MEDAG: variants seen among roughly 807,000 people sequenced by gnomAD.
MEDAG encodes the protein mesenteric estrogen dependent adipogenesis, also known as mesenteric estrogen-dependent adipogenesis protein.
MEDAG carries 25 observed loss-of-function variants against 29.9 expected under a neutral mutation model. The ratio of observed to expected loss-of-function variants is 0.84; its 90% confidence interval spans 0.61 to 1.17. The LOEUF (loss-of-function observed/expected upper bound fraction) is 1.17, where lower values mean the gene tolerates loss of function less well. Ranked by LOEUF, MEDAG falls within the 50% of genes most tolerant of loss-of-function variation. MEDAG has a pLI of 0.00. For synonymous variants in MEDAG, 158 were observed against 148.2 expected, an observed-to-expected ratio of 1.07 and a Z score of -0.48; for missense variants, 398 against 372.9, an observed-to-expected ratio of 1.07 and a Z score of -0.56.
chr13:30,920,895 A>C (rs1221152890), intron 2 of MEDAG, 119 bp from the exon 3 acceptor site: 1 of 745,208 alleles, frequency 1.3e-6, no homozygotes, highest in East Asian at 2.7e-5. Context: ...GCAGAGAGGA[A>C]GGTTATAAAT....
intron 4 of MEDAG, 190 bp downstream of exon 4, chr13:30,922,036 G>A (rs1422331903): frequency 1.8e-6 from 1 of 565,284 alleles, no homozygotes; most frequent in African/African-American, 1.9e-5. Flanking sequence ...TTCCTTTTGA[G>A]CTCCTTTAAG....
At position 30,924,536 on chromosome 13, in the gene MEDAG, G is replaced by A. The variant is rs546045557; in HGVS notation, c.*101G>A. On this transcript the variant is annotated 3_prime_UTR_variant, in exon 5 of 5. Coordinates refer to ENST00000380482, the MANE Select transcript of MEDAG (RefSeq NM_032849.4). ...GTGGGAGGCAGATACTTCCACCTGC[G>A]TGTCAATCTCCGGCTCCTCCATGGC... 37 of 1,249,624 alleles carry A rather than the reference G, an allele frequency of 3.0e-5. No homozygotes were observed. Among genetic ancestry groups the A allele is most frequent in the Non-Finnish European group, 4.0e-5 (36 of 907,492 alleles). 77.4% of individuals were successfully genotyped at this position (1,249,624 alleles called of 1,614,324 possible).
chr13:30,925,163 T>C lies in MEDAG; in HGVS notation c.*728T>C, dbSNP rs984986227. ...ACCGAACAATGACAGGGGAAGGGTA[T>C]TGGACACGGCAGCGTCCTCCTTATT... On this transcript the variant is annotated 3_prime_UTR_variant, in exon 5 of 5. Coordinates refer to ENST00000380482, the MANE Select transcript of MEDAG (RefSeq NM_032849.4). The C allele has an allele frequency of 3.9e-5, 6 of 152,162 alleles. No homozygotes were observed. Among genetic ancestry groups the C allele is most frequent in the Non-Finnish European group, 7.3e-5 (5 of 68,028 alleles). 9.4% of individuals were successfully genotyped at this position (152,162 alleles called of 1,614,324 possible). A position where few individuals can be genotyped will look rare whatever the true frequency, so the allele number is the denominator to read the frequency against.
At chr13:30,923,505 C>T (rs1004086863) in intron 4 of MEDAG, among the ~76,000 whole-genome samples, 2 of 152,054 alleles carry the variant, frequency 1.3e-5, no homozygotes, top group Non-Finnish European at 2.9e-5. Context: ...CATCTCTTCC[C>T]ATGTTGTTTC....
At position 30,906,672 on chromosome 13, in the gene MEDAG, G is replaced by A. The variant is rs200311232; in HGVS notation, c.157G>A (p.Asp53Asn). The A allele has an allele frequency of 1.3e-6, 2 of 1,555,798 alleles. No homozygotes were observed. The highest frequency in any genetic ancestry group is 1.8e-5 in the Admixed American group (1 of 55,244). ...LQPGAFQLSGDQLVVARPGEP... is the reference protein window; with the variant it reads ...LQPGAFQLSGNQLVVARPGEP... ...GCCCGGTGCCTTCCAGCTGAGCGGC[G>A]ACCAGCTCGTGGTGGCCAGGCCCGG... The change falls in exon 1 of 5, where the codon GAC becomes AAC. Residue 53 changes from aspartate (D) to asparagine (N), a missense_variant. By Grantham distance (23) the Asp-to-Asn change is conservative (BLOSUM62 1). Transcript: ENST00000380482.
intron 2 of MEDAG, among the ~76,000 whole-genome samples, chr13:30,919,913 A>T (rs1952966498): frequency 6.6e-6 from 1 of 152,228 alleles, no homozygotes; most frequent in Non-Finnish European, 1.5e-5. Context: ...TTTCCTAATG[A>T]GTAAACAACC....
At position 30,924,378 on chromosome 13, in the gene MEDAG, A is replaced by G. The variant is rs770637457; in HGVS notation, c.855A>G (p.Ala285=). The G allele has an allele frequency of 3.7e-6, 6 of 1,614,118 alleles. No individual in the cohort carries two copies. The South Asian group carries it at 6.6e-5, about 18-fold the overall frequency. The change falls in exon 5 of 5, where the codon GCA becomes GCG. Residue 285 remains alanine, a synonymous_variant. Coordinates refer to ENST00000380482, the MANE Select transcript of MEDAG (RefSeq NM_032849.4). ...CATCTCTGACAGAGCCTCTTTTGGC[A>G]GAATTACCATTTCCAAGTGTTCTGG... is the stretch of plus-strand genomic sequence containing the variant. ...PRSSLTEPLL[A]ELPFPSVLES...
intron 1 of MEDAG, among the ~76,000 whole-genome samples, chr13:30,913,801 G>A (rs1952902486): frequency 6.6e-6 from 1 of 152,178 alleles, no homozygotes; most frequent in Non-Finnish European, 1.5e-5. Context: ...AGCACTTTGG[G>A]AGGCTGAGGC....
intron 1 of MEDAG, chr13:30,909,116 C>CA (rs10708028): frequency 0.011 from 943 of 83,214 alleles, 12 homozygotes; most frequent in African/African-American, 0.03. Context: ...GACCCTGTCT[C>CA]AAAAAAAAAA....
chr13:30,907,723 A>G (rs1392557925), intron 1 of MEDAG, among the ~76,000 whole-genome samples: 1 of 152,260 alleles, frequency 6.6e-6, no homozygotes, highest in Non-Finnish European at 1.5e-5. Context: ...TGACTCAGAA[A>G]TGAATAAGAT....
chr13:30,908,476 G>A (rs1421912811), intron 1 of MEDAG, among the ~76,000 whole-genome samples: 1 of 152,182 alleles, frequency 6.6e-6, no homozygotes, highest in East Asian at 1.9e-4. Context: ...CCTGAAGGAT[G>A]GCCAGGAGGG....
intron 1 of MEDAG, chr13:30,908,756 G>GA (rs1952853898): frequency 9.3e-6 from 1 of 107,536 alleles, no homozygotes; most frequent in Admixed American, 1.4e-4. Flanking sequence ...CCTTCTTTTT[G>GA]AAAAATAAGC....
At chr13:30,921,240 G>C (rs1261475677) in intron 3 of MEDAG, 114 bp downstream of exon 3, 1 of 850,840 alleles carries the variant, frequency 1.2e-6, no homozygotes, top group African/African-American at 1.7e-5. Context: ...ATGGCCCTTA[G>C]AAAACAAAGT....
chr13:30,907,270 C>A (rs1367459531), intron 1 of MEDAG, among the ~76,000 whole-genome samples: 1 of 152,178 alleles, frequency 6.6e-6, no homozygotes, highest in South Asian at 2.1e-4. Flanking sequence ...AGTGAGGAGA[C>A]CGAGTGGAGA....
In MEDAG at chr13:30,906,426, C is replaced by A; in HGVS notation, c.-90C>A. ...TCGCGCGCGGCTGACGCAGGCAGGG[C>A]GCCCGGCCCCTCCTGGGGACCATCA... On this transcript the variant is annotated 5_prime_UTR_variant, in exon 1 of 5. Coordinates refer to ENST00000380482, the MANE Select transcript of MEDAG (RefSeq NM_032849.4). The A allele has an allele frequency of 1.5e-6, 2 of 1,315,396 alleles. No homozygotes were observed. Among genetic ancestry groups the A allele is most frequent in the African/African-American group, 1.5e-5 (1 of 65,424 alleles). The allele number at this position is 1,315,396 out of a possible 1,614,324, so 81.5% of individuals were successfully genotyped here. A position where few individuals can be genotyped will look rare whatever the true frequency, so the allele number is the denominator to read the frequency against.
chr13:30,925,389 G>A lies in MEDAG; in HGVS notation c.*954G>A, dbSNP rs560810466. 17 of 152,262 alleles carry A rather than the reference G, an allele frequency of 1.1e-4. No homozygotes were observed. In the Middle Eastern group the frequency reaches 0.01, roughly 91 times the overall value. 9.4% of individuals were successfully genotyped at this position (152,262 alleles called of 1,614,324 possible). A position where few individuals can be genotyped will look rare whatever the true frequency, so the allele number is the denominator to read the frequency against. On this transcript the variant is annotated 3_prime_UTR_variant, in exon 5 of 5. Transcript: ENST00000380482. ...AATCACTACATATGCTTATAATGAG[G>A]AAGAGTTATGGGTCCTGAGTGTAAT... is the stretch of plus-strand genomic sequence containing the variant.
intron 1 of MEDAG, 31 bp from the exon 2 acceptor site, chr13:30,917,372 T>C: frequency 7.9e-7 from 1 of 1,262,618 alleles, no homozygotes; most frequent in Non-Finnish European, 1.2e-6. Context: ...AAGGGTACGT[T>C]ACATTTGCAA....
chr13:30,913,611 G>T (rs1952900912), intron 1 of MEDAG, among the ~76,000 whole-genome samples: 1 of 152,206 alleles, frequency 6.6e-6, no homozygotes, highest in South Asian at 2.1e-4. Context: ...CCAGGGTAAA[G>T]CAATGAAGAA....
rs867438648 is a variant in MEDAG, at chr13:30,906,872, C to T, written c.278+79C>T. 1.2e-4 allele frequency: 166 copies of T among 1,351,692 alleles called. 1 individual carries two copies. The African/African-American group carries it at 2.1e-3, about 17-fold the overall frequency. 83.7% of individuals were successfully genotyped at this position (1,351,692 alleles called of 1,614,324 possible). On this transcript the variant is annotated intron_variant, in intron 1 of 4. Coordinates refer to ENST00000380482, the MANE Select transcript of MEDAG (RefSeq NM_032849.4). The stretch of plus-strand genomic sequence containing the variant: ...CCACCCGGCTGCGGTCTCTGGGAGC[C>T]TGGGCTGTCCTCGCTGCCTGCGACA...
Sources: gnomAD v4.1 joint callset for allele counts (sites outside exome capture counted in the v4.1 genomes callset) on GRCh38, gnomAD v4.1.1 for gene constraint, MANE v1.5 for transcripts, NCBI Gene and HGNC (gene_info 2026-07-23, HGNC 2026-07-21) for gene names.